The following ARHGEF1 variants were observed in gnomAD, a reference collection of about 807,000 sequenced individuals.
The protein encoded by ARHGEF1 is Rho guanine nucleotide exchange factor 1.
ARHGEF1 carries 40 observed loss-of-function variants against 119.7 expected under a neutral mutation model. The ratio of observed to expected loss-of-function variants is 0.33; its 90% CI spans 0.26 to 0.44. ARHGEF1 has a LOEUF of 0.44. Ranked by LOEUF, ARHGEF1 falls within the 20% of genes least tolerant of loss-of-function variation. ARHGEF1 has a pLI of 1.00. For synonymous variants in ARHGEF1, 494 were observed against 521.0 expected (o/e 0.95, Z 0.71); for missense variants, 976 against 1,268.3 (o/e 0.77, Z 3.50).
intron 2 of ARHGEF1, chr19:41,929,040 C>T (rs1226379048): frequency 7.8e-6 from 3 of 384,080 alleles, no homozygotes; most frequent in African/African-American, 6.2e-5. Flanking sequence ...GAGAGACAGA[C>T]ACAGACACAC....
intron 14 of ARHGEF1, among the ~76,000 whole-genome samples, chr19:41,900,204 C>T (rs1176307330): frequency 3.3e-5 from 5 of 152,112 alleles, no homozygotes; most frequent in African/African-American, 1.2e-4. Context: ...CATAGTGGCG[C>T]ATGCCTGTAA....
rs1273177219 is a variant in ARHGEF1, at chr19:41,898,585, G to A, written c.1265G>A (p.Ser422Asn). The A allele has an allele frequency of 6.3e-7, 1 of 1,585,608 alleles. No homozygotes were observed. ...CAGGTGAAGCGGCAGGAGGTCATCA[G>A]CGGTGAGTACTGCCCCCATCACCCC... is the stretch of plus-strand genomic sequence containing the variant. ...KSQVKRQEVI[S>N]ELLVTEAAHV... The change falls in exon 14 of 29, where the codon AGC (serine) becomes AAC (asparagine). Residue 422 changes from serine to asparagine, a missense_variant and splice_region_variant. By Grantham distance (46) the Ser-to-Asn change is conservative (BLOSUM62 1). Coordinates refer to ENST00000354532, the MANE Select transcript of ARHGEF1 (RefSeq NM_004706.4).
At chr19:41,924,403 G>A (rs1240015512) in intron 1 of ARHGEF1, among the ~76,000 whole-genome samples, 2 of 152,120 alleles carry the variant, frequency 1.3e-5, no homozygotes, top group Non-Finnish European at 2.9e-5. Context: ...AGGCAAGTAC[G>A]TGCCTCATGA....
intron 11 of ARHGEF1, among the ~76,000 whole-genome samples, chr19:41,894,998 G>C (rs1031279140): frequency 6.9e-5 from 10 of 145,942 alleles, no homozygotes; most frequent in African/African-American, 1.3e-4. Context: ...GAGGGATTGG[G>C]CCTGGACCCC....
chr19:41,914,652 CACCATCTCTGTCTCTCCCTCCCCT>C lies in ARHGEF1; in HGVS notation c.1865+7850_1865+7873del, dbSNP rs1555851620. 1.4e-4 allele frequency among the ~76,000 whole-genome samples: 6 copies of C among 41,982 alleles called. 1 individual carries two copies. Among genetic ancestry groups the C allele is most frequent in the East Asian group, 8.5e-4 (1 of 1,182 alleles). The allele number at this position is 41,982 out of a possible 152,430, so 27.5% of individuals were successfully genotyped here. A position where few individuals can be genotyped will look rare whatever the true frequency, so the allele number is the denominator to read the frequency against. ...CTGTCTCTGTCTCTCCCTCCCTTTC[CACCATCTCTGTCTCTCCCTCCCCT>C]TCCACCATCTCTGTCTCTCCCTCCC... On this transcript the variant is annotated intron_variant, in intron 18 of 20. Transcript: ENST00000599589.
At chr19:41,912,685 T>C (rs1306457827) in intron 18 of ARHGEF1, among the ~76,000 whole-genome samples, 2 of 152,164 alleles carry the variant, frequency 1.3e-5, no homozygotes, top group Non-Finnish European at 2.9e-5. Context: ...GCGAAGTTTT[T>C]AGCCAAGTTT....
chr19:41,906,081 C>A lies in ARHGEF1; in HGVS notation c.2491+56C>A. On this transcript the variant is annotated intron_variant, in intron 26 of 28. Transcript: ENST00000354532. This position sits in a 1 kb window ranked among gnomAD's most constrained non-coding sequence, Gnocchi z 4.5. Reference sequence around the variant, plus strand: ...ACCAGCCCAAACAGTGCCTCTGTTCCAACTAGAACAAGGCTCTCCACGTCA... The same window carrying A: ...ACCAGCCCAAACAGTGCCTCTGTTCAAACTAGAACAAGGCTCTCCACGTCA... 6.7e-7 allele frequency: 1 copy of A among 1,494,216 alleles called. No homozygotes were observed. 92.6% of individuals were successfully genotyped at this position (1,494,216 alleles called of 1,614,324 possible). A position where few individuals can be genotyped will look rare whatever the true frequency, so the allele number is the denominator to read the frequency against.
Position 41,898,607 on chromosome 19 carries a change from C to T in ARHGEF1, c.1267+20C>T, listed in dbSNP as rs890086264. The T allele has an allele frequency of 6.3e-7, 1 of 1,579,198 alleles. No individual in the cohort carries two copies. Among genetic ancestry groups the T allele is most frequent in the Admixed American group, 1.8e-5 (1 of 55,402 alleles). On this transcript the variant is annotated intron_variant, in intron 14 of 28. Transcript: ENST00000354532. ...TCAGCGGTGAGTACTGCCCCCATCACCCCACTGTGGCCAAGGACACAGTCC... is the reference window on the plus strand; with the variant it reads ...TCAGCGGTGAGTACTGCCCCCATCATCCCACTGTGGCCAAGGACACAGTCC...
At position 41,902,419 on chromosome 19, in the gene ARHGEF1, T is replaced by A. The variant is rs115850819; in HGVS notation, c.1497+63T>A. On this transcript the variant is annotated intron_variant, in intron 16 of 28. Transcript: ENST00000354532. The surrounding 1 kb of genome is among the most constrained non-coding windows in gnomAD (Gnocchi z 6.5). ...ACATGGAATTCAGGCCCGGGACGGG[T>A]CCTGAGCCCACCCTACTCCAGTCCC... The A allele has an allele frequency of 1.4e-3, 2,251 of 1,611,662 alleles. 34 individuals carry two copies. The African/African-American group carries it at 0.026, about 19-fold the overall frequency.
chr19:41,894,508 A>C lies in ARHGEF1; in HGVS notation c.802A>C (p.Ile268Leu), dbSNP rs782305569. The C allele has an allele frequency of 1.9e-6, 3 of 1,606,230 alleles. No homozygotes were observed. The change falls in exon 10 of 29, where the codon ATC (isoleucine) becomes CTC (leucine). Residue 268 changes from isoleucine to leucine, a missense_variant. Ile to Leu is a conservative substitution (Grantham distance 5). This residue lies in a region of ARHGEF1 where 519 missense variants were observed against 580.9 expected (regional missense o/e 0.89). Coordinates refer to ENST00000354532, the MANE Select transcript of ARHGEF1 (RefSeq NM_004706.4). ...PAKTKKGLSSILDAARWNRGE... is the reference protein window; with the variant it reads ...PAKTKKGLSSLLDAARWNRGE... ...CAAGACCAAGAAGGGGCTGAGCAGC[A>C]TCCTGGATGCCGCCCGCTGGAACCG...
chr19:41,919,512 T>TACAC (rs60525805), upstream of ARHGEF1, among the ~76,000 whole-genome samples: 7,037 of 146,546 alleles, frequency 0.048, 416 homozygotes, highest in East Asian at 0.21. Context: ...CGTGCACGCG[T>TACAC]ACACACACAC....
chr19:41,914,727 C>T (rs2074783408), intron 18 of ARHGEF1, among the ~76,000 whole-genome samples: 1 of 25,980 alleles, frequency 3.8e-5, no homozygotes, highest in Non-Finnish European at 6.1e-5. Context: ...TCTCTCCCTC[C>T]CCTTCCACCA....
chr19:41,899,920 TAAAAA>T (rs201057180), intron 14 of ARHGEF1, among the ~76,000 whole-genome samples: 1 of 135,538 alleles, frequency 7.4e-6, no homozygotes, highest in Non-Finnish European at 1.7e-5. Flanking sequence ...AAGGACATGA[TAAAAA>T]AAAAAAAAAA....
At chr19:41,897,744 GGTCTCTCCCCGTCTCTGTCCCTGTCCTC>G in intron 13 of ARHGEF1, 2 of 484,418 alleles carry the variant, frequency 4.1e-6, no homozygotes, top group South Asian at 5.2e-5. Context: ...TCCCTGTCCT[GGTCTCTCCCCGTCTCTGTCCCTGTCCTC>G]GTCTCTCCCC....
rs781984796 is a variant in ARHGEF1 at position 41,905,711 on chromosome 19, G to GC, written c.2337-43dup. The stretch of plus-strand genomic sequence containing the variant: ...AGCTCTCTGTCTCCCTGCCCCTGCG[G>GC]CCCCCCAGGGCCAGGGGTGTGGGGT... On this transcript the variant is annotated intron_variant, in intron 24 of 28. Coordinates refer to ENST00000354532, the MANE Select transcript of ARHGEF1 (RefSeq NM_004706.4). The surrounding 1 kb of genome is among the most constrained non-coding windows in gnomAD (Gnocchi z 6.4). 5.6e-6 allele frequency: 9 copies of GC among 1,597,982 alleles called. No homozygotes were observed. The highest frequency in any genetic ancestry group is 2.2e-5 in the East Asian group (1 of 44,722).
chr19:41,893,354 G>A (rs1555846730), intron 8 of ARHGEF1, 51 bp downstream of exon 8: 2 of 1,524,130 alleles, frequency 1.3e-6, no homozygotes, highest in Admixed American at 1.9e-5. Flanking sequence ...GGGAGGAGGG[G>A]GCTGAGGGCC....
In ARHGEF1 at chr19:41,892,846, T is replaced by C; in HGVS notation, c.611T>C (p.Met204Thr). The change falls in exon 7 of 29, where the codon ATG becomes ACG. Residue 204 changes from methionine (M) to threonine (T), a missense_variant. Met to Thr is a moderately conservative substitution (Grantham distance 81, BLOSUM62 -1). This residue lies in a region of ARHGEF1 where 519 missense variants were observed against 580.9 expected (regional missense o/e 0.89). Coordinates refer to ENST00000354532, the MANE Select transcript of ARHGEF1 (RefSeq NM_004706.4). This position sits in a 1 kb window ranked among gnomAD's most constrained non-coding sequence, Gnocchi z 6.3. The part of the protein sequence containing the change: ...AERLLMHLEE[M>T]QHTISTDEEK... ...CGGCTGCTCATGCACCTGGAGGAGA[T>C]GCAGTGAGTAGGCCAGCCCTGGTGG... 2 of 1,541,372 alleles carry C rather than the reference T, an allele frequency of 1.3e-6. No homozygotes were observed. The highest frequency in any genetic ancestry group is 1.7e-6 in the Non-Finnish European group (2 of 1,146,962).
At chr19:41,910,274 A>C (rs1373491707), downstream of ARHGEF1, among the ~76,000 whole-genome samples, 1 of 152,080 alleles carries the variant, frequency 6.6e-6, no homozygotes, top group Non-Finnish European at 1.5e-5. This position sits in a 1 kb window ranked among gnomAD's most constrained non-coding sequence, Gnocchi z 4.4. Context: ...CAAATTACCC[A>C]AATAAGGGCA....
At position 41,906,834 on chromosome 19, in the gene ARHGEF1, G is replaced by C; in HGVS notation, c.*17+31G>C. 1.3e-6 allele frequency: 2 copies of C among 1,535,130 alleles called. No homozygotes were observed. The highest frequency in any genetic ancestry group is 1.8e-6 in the Non-Finnish European group (2 of 1,132,182). ...TGGGGCACCTGGGGGCCAGGGCGCT[G>C]TCCTGAAAGGAGGGTCCCCCTCCAG... is the stretch of plus-strand genomic sequence containing the variant. On this transcript the variant is annotated intron_variant, in intron 28 of 28. Transcript: ENST00000354532. This position sits in a 1 kb window ranked among gnomAD's most constrained non-coding sequence, Gnocchi z 4.5.
Sources: gnomAD v4.1 joint callset for allele counts (sites outside exome capture counted in the v4.1 genomes callset) on GRCh38, gnomAD v4.1.1 for gene constraint, gnomAD v4.1.1 regional missense constraint, Gnocchi (gnomAD v3.1) non-coding constraint, MANE v1.5 for transcripts, NCBI Gene and HGNC (gene_info 2026-07-23, HGNC 2026-07-21) for gene names.